PCDHGA8: variants seen among roughly 807,000 people sequenced by gnomAD.
PCDHGA8 encodes the protein protocadherin gamma-A8.
Under a neutral mutation model 59.2 loss-of-function variants are expected in PCDHGA8, and 45 were observed. The observed-to-expected ratio is 0.76, with a 90% confidence interval of 0.60 to 0.98. The LOEUF (loss-of-function observed/expected upper bound fraction) is 0.98, where lower values mean the gene tolerates loss of function less well. Ranked by LOEUF, PCDHGA8 falls within the 50% of genes least tolerant of loss-of-function variation. PCDHGA8 has a pLI of 0.00. For synonymous variants in PCDHGA8, 531 were observed against 519.0 expected, an observed-to-expected ratio of 1.02 and a Z score of -0.32; for missense variants, 1,257 against 1,196.2, an observed-to-expected ratio of 1.05 and a Z score of -0.75.
chr5:141,414,781 G>T, intron 1 of PCDHGA8: 2 of 1,614,230 alleles, frequency 1.2e-6, no homozygotes, highest in Non-Finnish European at 1.7e-6. Flanking sequence ...ACAGATGCAG[G>T]TGACAGCCAG....
rs564486909 is a variant in PCDHGA8, at chr5:141,428,072, G to C, written c.2424+32835G>C. ...AGGTGGTGGCGGTGGACGCAGATTC[G>C]GGACACAACGCTTGGCTGTCCTACC... is the stretch of plus-strand genomic sequence containing the variant. On this transcript the variant is annotated intron_variant, in intron 1 of 3. Transcript: ENST00000398604. 5 of 1,609,080 alleles carry C rather than the reference G, an allele frequency of 3.1e-6. 1 individual carries two copies. The South Asian group carries it at 5.5e-5, about 18-fold the overall frequency.
rs755457564 is a variant in PCDHGA8, at chr5:141,394,423, G to A, written c.1610G>A (p.Ser537Asn). The stretch of plus-strand genomic sequence containing the variant: ...CAGCTACTGGTAACAGCCAGCGACA[G>A]CGGGGACCCGCCCCTCAGCAGCAAC... ...DLQLLVTASD[S>N]GDPPLSSNMS... Residue 537 changes from serine to asparagine, a missense_variant, in exon 1 of 4, where the codon AGC becomes AAC. Ser to Asn is a conservative substitution (Grantham distance 46, BLOSUM62 1). Coordinates refer to ENST00000398604, the MANE Select transcript of PCDHGA8 (RefSeq NM_032088.2). 2.5e-6 allele frequency: 4 copies of A among 1,614,248 alleles called. No homozygotes were observed. The Admixed American group carries it at 6.7e-5, about 27-fold the overall frequency.
chr5:141,439,390 C>T (rs528547728), intron 1 of PCDHGA8, among the ~76,000 whole-genome samples: 1 of 152,266 alleles, frequency 6.6e-6, no homozygotes, highest in South Asian at 2.1e-4. Flanking sequence ...GTCATCACTT[C>T]GACTTCATGT....
chr5:141,422,616 C>T, intron 1 of PCDHGA8: 1 of 1,613,714 alleles, frequency 6.2e-7, no homozygotes. Flanking sequence ...CCTACATTCC[C>T]GAAAACAACC....
intron 1 of PCDHGA8, chr5:141,414,843 G>A: frequency 3.7e-6 from 6 of 1,614,218 alleles, no homozygotes; most frequent in Non-Finnish European, 5.1e-6. Context: ...GCCTGTTTGT[G>A]CTGGACCAGA....
chr5:141,438,545 A>C (rs915206342), intron 1 of PCDHGA8, among the ~76,000 whole-genome samples: 4 of 140,354 alleles, frequency 2.8e-5, no homozygotes, highest in Admixed American at 7.4e-5. Flanking sequence ...TCTATATCTA[A>C]GCCCTAATAA....
At position 141,491,651 on chromosome 5, in the gene PCDHGA8, A is replaced by G. The variant is rs1379494110; in HGVS notation, c.2425-3156A>G. 1.9e-6 allele frequency: 3 copies of G among 1,613,796 alleles called. 1 individual carries two copies. ...CAGCAGCCCACAGCTCTGGCGCTGGAGCCTGACGCCATCCGGTCCCGCTCT... is the reference window on the plus strand; with the variant it reads ...CAGCAGCCCACAGCTCTGGCGCTGGGGCCTGACGCCATCCGGTCCCGCTCT... On this transcript the variant is annotated intron_variant, in intron 1 of 3. Coordinates refer to ENST00000398604, the MANE Select transcript of PCDHGA8 (RefSeq NM_032088.2). The surrounding 1 kb of genome is among the most constrained non-coding windows in gnomAD (Gnocchi z 6.9).
chr5:141,394,481 T>G lies in PCDHGA8; in HGVS notation c.1668T>G (p.Asn556Lys), dbSNP rs766569646. Residue 556 changes from asparagine to lysine, a missense_variant, in exon 1 of 4, where the codon AAT becomes AAG. Physicochemically the swap from Asn to Lys is moderately conservative, Grantham distance 94. Transcript: ENST00000398604. ...TGAGCCTGTTCGTGCTGGACCAGAA[T>G]GACAACGCGCCCGAGATCCTGTACC... ...MSLSLFVLDQ[N>K]DNAPEILYPA... 6.2e-7 allele frequency: 1 copy of G among 1,614,206 alleles called. No homozygotes were observed. Among genetic ancestry groups the G allele is most frequent in the African/African-American group, 1.3e-5 (1 of 75,066 alleles).
chr5:141,475,938 G>T (rs756781296), intron 1 of PCDHGA8: 22 of 682,776 alleles, frequency 3.2e-5, no homozygotes, highest in African/African-American at 7.2e-5. Flanking sequence ...GCCCCTGCCC[G>T]TCCCCTTTCT....
chr5:141,410,719 A>G, intron 1 of PCDHGA8: 3 of 1,407,980 alleles, frequency 2.1e-6, no homozygotes, highest in Non-Finnish European at 2.9e-6. Context: ...TCATATGTTT[A>G]AAATCCATAG....
At chr5:141,475,884 G>C (rs998700290) in intron 1 of PCDHGA8, 1 of 557,810 alleles carries the variant, frequency 1.8e-6, no homozygotes, top group Non-Finnish European at 3.2e-6. Flanking sequence ...TATTGGCTGG[G>C]ACTCTGTGTG....
At chr5:141,480,763 A>G (rs541754723) in intron 1 of PCDHGA8, among the ~76,000 whole-genome samples, 1 of 152,308 alleles carries the variant, frequency 6.6e-6, no homozygotes, top group East Asian at 1.9e-4. Flanking sequence ...GAAGGTCCCC[A>G]CTTGATCCTA....
At chr5:141,462,651 CA>C (rs60282352) in intron 1 of PCDHGA8, among the ~76,000 whole-genome samples, 42,411 of 152,004 alleles carry the variant, frequency 0.28, 6,634 homozygotes, top group African/African-American at 0.43. Flanking sequence ...TTTCCATCCT[CA>C]ATTATCTTCA....
At position 141,437,148 on chromosome 5, in the gene PCDHGA8, A is replaced by T. The variant is rs1196014608; in HGVS notation, c.2424+41911A>T. ...GTTGATAATTTAGGATTCATAATTA[A>T]CATATGTGTTGATTGTTTTCTGAGA... is the stretch of plus-strand genomic sequence containing the variant. On this transcript the variant is annotated intron_variant, in intron 1 of 3. Coordinates refer to ENST00000398604, the MANE Select transcript of PCDHGA8 (RefSeq NM_032088.2). Among the ~76,000 whole-genome samples the T allele has an allele frequency of 2.0e-5, 3 of 152,214 alleles. No individual in the cohort carries two copies. In the East Asian group the frequency reaches 5.8e-4, roughly 29 times the overall value.
intron 1 of PCDHGA8, chr5:141,420,076 T>C (rs764381539): frequency 3.3e-5 from 53 of 1,613,956 alleles, no homozygotes; most frequent in Non-Finnish European, 4.5e-5. Context: ...GACCTGTGGG[T>C]CCCCCCAACT....
At chr5:141,407,222 C>CA (rs895046980) in intron 1 of PCDHGA8, among the ~76,000 whole-genome samples, 4 of 151,730 alleles carry the variant, frequency 2.6e-5, no homozygotes, top group African/African-American at 7.2e-5. Flanking sequence ...AAGTGGGTAG[C>CA]AAAAAAAATA....
chr5:141,444,373 G>A (rs2098434682), intron 1 of PCDHGA8, among the ~76,000 whole-genome samples: 1 of 151,902 alleles, frequency 6.6e-6, no homozygotes, highest in South Asian at 2.1e-4. Context: ...GTTTCTCCAT[G>A]TTGGTCAGGC....
intron 1 of PCDHGA8, chr5:141,404,308 C>T (rs1241004917): frequency 6.2e-7 from 1 of 1,613,918 alleles, no homozygotes; most frequent in Middle Eastern, 1.6e-4. Flanking sequence ...CACCTGCTTT[C>T]TCTCAAGCCT....
At chr5:141,469,743 A>G (rs1166798506) in intron 1 of PCDHGA8, among the ~76,000 whole-genome samples, 1 of 152,252 alleles carries the variant, frequency 6.6e-6, no homozygotes, top group Non-Finnish European at 1.5e-5. Context: ...CACCTCAAAA[A>G]TTACAAAAAT....
Sources: gnomAD v4.1 joint callset for allele counts (sites outside exome capture counted in the v4.1 genomes callset) on GRCh38, gnomAD v4.1.1 for gene constraint, Gnocchi (gnomAD v3.1) non-coding constraint, MANE v1.5 for transcripts, NCBI Gene and HGNC (gene_info 2026-07-23, HGNC 2026-07-21) for gene names.